The following ARMC8 variants were observed in gnomAD, a reference collection of about 807,000 sequenced individuals.
ARMC8 encodes armadillo repeat-containing protein 8.
Under a neutral mutation model 99.3 loss-of-function variants are expected in ARMC8, and 20 were observed. The ratio of observed to expected loss-of-function variants is 0.20; its 90% CI spans 0.14 to 0.29. The LOEUF is 0.29. Among genes scored for constraint, ARMC8 ranks in the 10% least tolerant of loss-of-function variants. The pLI, the probability that ARMC8 is intolerant of heterozygous loss-of-function variation, is 1.00. For synonymous variants in ARMC8, 263 were observed against 278.3 expected, an observed-to-expected ratio of 0.95 and a Z score of 0.55; for missense variants, 569 against 809.5, an observed-to-expected ratio of 0.70 and a Z score of 3.60.
rs2045525997 is a variant in ARMC8, at chr3:138,223,669, C to G, written c.371C>G (p.Ala124Gly). The G allele has an allele frequency of 1.9e-6, 3 of 1,614,094 alleles. No individual in the cohort carries two copies. Among genetic ancestry groups the G allele is most frequent in the Non-Finnish European group, 2.5e-6 (3 of 1,180,046 alleles). Residue 124 changes from alanine (A) to glycine (G), a missense_variant, in exon 5 of 22, where the codon GCT (alanine) becomes GGT (glycine). Ala to Gly is a moderately conservative substitution (Grantham distance 60, BLOSUM62 0). Around this residue, in one of 2 missense-constraint regions of ARMC8, gnomAD observed 342 missense variants for 391.6 expected, o/e 0.87. Coordinates refer to ENST00000469044, the MANE Select transcript of ARMC8 (RefSeq NM_001363941.2). ...LLSPDLKFIEACLRCLRTIFT... is the reference protein window; with the variant it reads ...LLSPDLKFIEGCLRCLRTIFT... Reference sequence around the variant, plus strand: ...TCCCCAGACCTGAAGTTTATTGAAGCTTGCCTCCGATGCCTGCGTACCATC... The same window carrying G: ...TCCCCAGACCTGAAGTTTATTGAAGGTTGCCTCCGATGCCTGCGTACCATC...
intron 10 of ARMC8, among the ~76,000 whole-genome samples, chr3:138,241,366 T>G (rs1463447566): frequency 6.6e-6 from 1 of 152,212 alleles, no homozygotes; most frequent in Non-Finnish European, 1.5e-5. Context: ...AAGGAAGAGA[T>G]AGCATACTTT....
intron 18 of ARMC8, among the ~76,000 whole-genome samples, chr3:138,283,756 T>C (rs1014982679): frequency 7.2e-5 from 11 of 152,230 alleles, no homozygotes; most frequent in Non-Finnish European, 1.2e-4. Flanking sequence ...ATCAGTGCAG[T>C]GGTTGTCCTC....
At chr3:138,264,494 A>G (rs2048073464) in intron 14 of ARMC8, among the ~76,000 whole-genome samples, 1 of 128,182 alleles carries the variant, frequency 7.8e-6, no homozygotes, top group South Asian at 2.3e-4. Flanking sequence ...ATCTTGGCTC[A>G]CTGCAACCTC....
chr3:138,239,247 G>GT (rs778789263), intron 9 of ARMC8: 361 of 426,062 alleles, frequency 8.5e-4, no homozygotes, highest in Admixed American at 1.3e-3. Context: ...GTTTCATTTT[G>GT]TTTTTTTAAA....
intron 6 of ARMC8, among the ~76,000 whole-genome samples, chr3:138,233,794 G>A (rs1183979012): frequency 6.6e-6 from 1 of 152,134 alleles, no homozygotes; most frequent in East Asian, 1.9e-4. Flanking sequence ...CCAATAACTG[G>A]TTTCTTTTGG....
intron 10 of ARMC8, among the ~76,000 whole-genome samples, chr3:138,240,568 G>C (rs1369096192): frequency 6.6e-6 from 1 of 152,096 alleles, no homozygotes; most frequent in Admixed American, 6.5e-5. Flanking sequence ...ATAAATATTA[G>C]TAACTAGTAA....
intron 3 of ARMC8, 75 bp from the exon 4 acceptor site, chr3:138,223,314 C>T (rs2108082668): frequency 1.4e-6 from 2 of 1,412,568 alleles, no homozygotes; most frequent in African/African-American, 1.4e-5. Flanking sequence ...ATGTGGACTG[C>T]ACAGCCTTTT....
intron 1 of ARMC8, among the ~76,000 whole-genome samples, chr3:138,209,598 G>A (rs946641417): frequency 6.6e-6 from 1 of 152,094 alleles, no homozygotes; most frequent in Non-Finnish European, 1.5e-5. Context: ...TTGACATCTT[G>A]AACTGAACAC....
intron 1 of ARMC8, among the ~76,000 whole-genome samples, chr3:138,202,901 T>A (rs1323574599): frequency 6.6e-6 from 1 of 152,222 alleles, no homozygotes; most frequent in African/African-American, 2.4e-5. Context: ...AACACTTATT[T>A]TTCCCATTTT....
chr3:138,190,262 A>C (rs1256602294), intron 1 of ARMC8, among the ~76,000 whole-genome samples: 1 of 148,138 alleles, frequency 6.8e-6, no homozygotes, highest in East Asian at 2.0e-4. Context: ...TTCAGAGTTG[A>C]GATTCTTTAT....
chr3:138,274,925 G>A (rs1026701035), intron 18 of ARMC8, among the ~76,000 whole-genome samples: 4 of 152,170 alleles, frequency 2.6e-5, no homozygotes, highest in East Asian at 1.9e-4. Context: ...AAATTCCTGC[G>A]ACTCGCTGAT....
chr3:138,259,955 T>C (rs1279819130), intron 12 of ARMC8, among the ~76,000 whole-genome samples: 2 of 152,208 alleles, frequency 1.3e-5, no homozygotes, highest in Admixed American at 1.3e-4. Context: ...GTCCCTGTCA[T>C]TCCCAAGGTG....
Position 138,273,080 on chromosome 3 carries a change from A to T in ARMC8, c.1593A>T (p.Thr531=). 1 of 1,613,142 alleles carries T rather than the reference A, an allele frequency of 6.2e-7. No individual in the cohort carries two copies. Among genetic ancestry groups the T allele is most frequent in the Non-Finnish European group, 8.5e-7 (1 of 1,179,506 alleles). ...CAGATTTGAATGTGCTGATGAAGAC[A>T]TTGGGACTTCTTAGAAATCTCCTCT... The part of the protein sequence containing the change: ...SDSDLNVLMK[T]LGLLRNLLST... Residue 531 remains threonine, a synonymous_variant, in exon 17 of 22, where the codon ACA becomes ACT. Transcript: ENST00000469044.
chr3:138,249,572 T>TAAAGTTTTCTAAGGATAAAAG (rs2047033737), intron 12 of ARMC8, among the ~76,000 whole-genome samples: 3 of 152,070 alleles, frequency 2.0e-5, no homozygotes, highest in African/African-American at 7.2e-5. Flanking sequence ...GATAAAAGTA[T>TAAAGTTTTCTAAGGATAAAAG]GATTTGGTTT....
intron 6 of ARMC8, among the ~76,000 whole-genome samples, chr3:138,234,237 G>C (rs1191992562): frequency 6.6e-6 from 1 of 151,890 alleles, no homozygotes; most frequent in African/African-American, 2.4e-5. Context: ...TCAGCCTCCG[G>C]AGTAGCTGGG....
chr3:138,217,797 G>A (rs997404770), intron 2 of ARMC8, among the ~76,000 whole-genome samples: 49 of 152,166 alleles, frequency 3.2e-4, no homozygotes, highest in Non-Finnish European at 5.9e-5. Flanking sequence ...ATAATTCAGT[G>A]TGTACAAAGT....
chr3:138,220,661 T>C (rs2045342685), intron 2 of ARMC8, among the ~76,000 whole-genome samples: 1 of 152,080 alleles, frequency 6.6e-6, no homozygotes, highest in Non-Finnish European at 1.5e-5. Flanking sequence ...AAATGTATGC[T>C]GACTATAACA....
intron 2 of ARMC8, among the ~76,000 whole-genome samples, chr3:138,216,994 T>G (rs558014711): frequency 6.6e-6 from 1 of 152,354 alleles, no homozygotes; most frequent in African/African-American, 2.4e-5. Flanking sequence ...AGCTACACAT[T>G]ACCTACCATT....
intron 18 of ARMC8, among the ~76,000 whole-genome samples, chr3:138,277,278 C>T (rs1185764346): frequency 1.3e-5 from 2 of 152,126 alleles, no homozygotes; most frequent in African/African-American, 4.8e-5. Flanking sequence ...ATAGACATAA[C>T]ATAAAAGGTA....
Sources: allele counts gnomAD v4.1 joint callset (sites outside exome capture counted in the v4.1 genomes callset), GRCh38; gene constraint gnomAD v4.1.1; regional missense constraint gnomAD v4.1.1; transcripts MANE v1.5; gene names NCBI Gene and HGNC (gene_info 2026-07-23, HGNC 2026-07-21).